Variants in ANTXR2 observed in about 807,000 individuals in gnomAD.
The protein encoded by ANTXR2 is ANTXR cell adhesion molecule 2.
ANTXR2 carries 44 observed loss-of-function variants against 73.7 expected under a neutral mutation model. The observed-to-expected ratio is 0.60, with a 90% confidence interval of 0.47 to 0.77. The LOEUF (loss-of-function observed/expected upper bound fraction) is 0.77. Ranked by LOEUF, ANTXR2 falls within the 30% of genes least tolerant of loss-of-function variation. The pLI is 0.00. For missense variants in ANTXR2, 604 were observed against 592.5 expected, an observed-to-expected ratio of 1.02 and a Z score of -0.20; for synonymous variants, 217 against 205.9, an observed-to-expected ratio of 1.05 and a Z score of -0.46.
chr4:80,059,446 A>AC (rs960577748), intron 3 of ANTXR2, among the ~76,000 whole-genome samples: 1 of 151,816 alleles, frequency 6.6e-6, no homozygotes, highest in African/African-American at 2.4e-5. Flanking sequence ...GCAACTTCAA[A>AC]CCCCTGGACT....
At chr4:79,959,158 A>G (rs1729050594) in intron 16 of ANTXR2, among the ~76,000 whole-genome samples, 1 of 152,106 alleles carries the variant, frequency 6.6e-6, no homozygotes, top group African/African-American at 2.4e-5. Flanking sequence ...TGTTTTTATA[A>G]TTCAGAAAAT....
chr4:80,048,514 T>C (rs1265812219), intron 7 of ANTXR2, among the ~76,000 whole-genome samples: 1 of 151,714 alleles, frequency 6.6e-6, no homozygotes, highest in Non-Finnish European at 1.5e-5. Context: ...CTCCTATGAA[T>C]GTATCTTTAC....
intron 16 of ANTXR2, among the ~76,000 whole-genome samples, chr4:79,953,089 T>C (rs1728765527): frequency 6.6e-6 from 1 of 152,078 alleles, no homozygotes; most frequent in Non-Finnish European, 1.5e-5. Context: ...GACCTAGTGT[T>C]GAAGGCAGGC....
At position 80,072,718 on chromosome 4, in the gene ANTXR2, G is replaced by T; in HGVS notation, c.-158C>A. On this transcript the variant is annotated 5_prime_UTR_variant, in exon 1 of 17. The change creates a new upstream start codon in the 5' untranslated region. Coordinates refer to ENST00000403729, the MANE Select transcript of ANTXR2 (RefSeq NM_058172.6). ...CGGCAGCGGGACCCACCAGCTGACA[G>T]GGAGGGAGAGAGGGAGGTCCTGAGA... is the stretch of plus-strand genomic sequence containing the variant. The T allele has an allele frequency of 2.2e-6, 3 of 1,348,562 alleles. No individual in the cohort carries two copies. The highest frequency in any genetic ancestry group is 2.8e-6 in the Non-Finnish European group (3 of 1,055,548). 83.5% of individuals were successfully genotyped at this position (1,348,562 alleles called of 1,614,324 possible).
chr4:79,912,541 T>C (rs1330951160), intron 16 of ANTXR2, among the ~76,000 whole-genome samples: 1 of 152,086 alleles, frequency 6.6e-6, no homozygotes, highest in African/African-American at 2.4e-5. Flanking sequence ...AGTTAGTGAA[T>C]TTCTGTGGCA....
intron 9 of ANTXR2, among the ~76,000 whole-genome samples, chr4:80,032,180 A>G (rs539481448): frequency 3.6e-4 from 55 of 151,942 alleles, no homozygotes; most frequent in African/African-American, 1.3e-3. Context: ...TAAAATATGA[A>G]AAAAATGATT....
chr4:80,044,441 A>AT (rs2110096260), intron 7 of ANTXR2, among the ~76,000 whole-genome samples: 1 of 152,080 alleles, frequency 6.6e-6, no homozygotes, highest in African/African-American at 2.4e-5. Flanking sequence ...TTCTTCTGGT[A>AT]TTTAAAGTAA....
chr4:79,911,617 AAG>A (rs1727141061), intron 16 of ANTXR2, among the ~76,000 whole-genome samples: 1 of 151,966 alleles, frequency 6.6e-6, no homozygotes, highest in African/African-American at 2.4e-5. Context: ...TTCCATGAGC[AAG>A]AGTTAAAATG....
intron 12 of ANTXR2, among the ~76,000 whole-genome samples, chr4:79,987,675 C>T (rs1730247052): frequency 6.6e-6 from 1 of 152,068 alleles, no homozygotes; most frequent in Non-Finnish European, 1.5e-5. Context: ...ATCAGATTCT[C>T]CAAAGTCAAC....
At chr4:79,954,167 T>C (rs1049900922) in intron 16 of ANTXR2, among the ~76,000 whole-genome samples, 2 of 152,062 alleles carry the variant, frequency 1.3e-5, no homozygotes, top group Admixed American at 6.6e-5. Context: ...GATCTCTATA[T>C]AGTTGTTGTT....
rs181074751 is a variant in ANTXR2 at position 79,974,770 on chromosome 4, T to C, written c.1428+2851A>G. On this transcript the variant is annotated intron_variant, in intron 16 of 16. Coordinates refer to ENST00000403729, the MANE Select transcript of ANTXR2 (RefSeq NM_058172.6). ...TATCTTAGACAAAAGTGTGAGCATATTGATTAAAAAAAAAAAGAAAAAGGA... is the reference window on the plus strand; with the variant it reads ...TATCTTAGACAAAAGTGTGAGCATACTGATTAAAAAAAAAAAGAAAAAGGA... Among the ~76,000 whole-genome samples, 691 of 150,746 alleles carry C rather than the reference T, an allele frequency of 4.6e-3. 10 individuals carry two copies. The highest frequency in any genetic ancestry group is 0.016 in the African/African-American group (655 of 41,138).
At chr4:79,978,794 A>AT (rs1729758500) in intron 14 of ANTXR2, among the ~76,000 whole-genome samples, 1 of 152,242 alleles carries the variant, frequency 6.6e-6, no homozygotes, top group African/African-American at 2.4e-5. Context: ...AATTTTACAA[A>AT]TGTATTTTAT....
chr4:80,061,895 A>G (rs1301638162), intron 3 of ANTXR2, among the ~76,000 whole-genome samples: 1 of 152,180 alleles, frequency 6.6e-6, no homozygotes, highest in Non-Finnish European at 1.5e-5. Flanking sequence ...CTGTGTTACT[A>G]TATACTACTG....
intron 11 of ANTXR2, among the ~76,000 whole-genome samples, chr4:80,012,100 T>C (rs902659817): frequency 1.3e-5 from 2 of 152,148 alleles, no homozygotes; most frequent in Non-Finnish European, 2.9e-5. Context: ...GCAATCTATC[T>C]AGAAAATAGT....
chr4:79,974,038 G>C (rs1729533165), intron 16 of ANTXR2, among the ~76,000 whole-genome samples: 1 of 152,130 alleles, frequency 6.6e-6, no homozygotes, highest in African/African-American at 2.4e-5. Flanking sequence ...CTTAAATTCA[G>C]CAAGGAATTT....
chr4:79,993,368 A>C (rs768053671), intron 12 of ANTXR2, among the ~76,000 whole-genome samples: 7 of 151,712 alleles, frequency 4.6e-5, no homozygotes, highest in Non-Finnish European at 8.8e-5. Context: ...ATAAAGAAGG[A>C]GGAAGGGAAG....
chr4:79,926,937 A>C (rs199832231), intron 16 of ANTXR2, among the ~76,000 whole-genome samples: 4 of 55,146 alleles, frequency 7.3e-5, no homozygotes, highest in East Asian at 0.02. Flanking sequence ...ACACATGTGC[A>C]TATATGTGTA....
chr4:79,955,314 C>A (rs967213001), intron 16 of ANTXR2, among the ~76,000 whole-genome samples: 5 of 152,036 alleles, frequency 3.3e-5, no homozygotes, highest in Non-Finnish European at 7.4e-5. Context: ...GCAAGATATC[C>A]ATTATGGATC....
Position 80,072,728 on chromosome 4 carries a change from G to C in ANTXR2, c.-168C>G. ...ACCCACCAGCTGACAGGGAGGGAGAGAGGGAGGTCCTGAGAGGACAAAGGG... is the reference window on the plus strand; with the variant it reads ...ACCCACCAGCTGACAGGGAGGGAGACAGGGAGGTCCTGAGAGGACAAAGGG... On this transcript the variant is annotated 5_prime_UTR_variant, in exon 1 of 17. Transcript: ENST00000403729. 1 of 1,346,738 alleles carries C rather than the reference G, an allele frequency of 7.4e-7. No individual in the cohort carries two copies. Among genetic ancestry groups the C allele is most frequent in the East Asian group, 3.1e-5 (1 of 32,366 alleles). The allele number at this position is 1,346,738 out of a possible 1,614,324, so 83.4% of individuals were successfully genotyped here. A position where few individuals can be genotyped will look rare whatever the true frequency, so the allele number is the denominator to read the frequency against.
Sources: gnomAD v4.1 joint callset for allele counts (sites outside exome capture counted in the v4.1 genomes callset) on GRCh38, gnomAD v4.1.1 for gene constraint, MANE v1.5 for transcripts, NCBI Gene and HGNC (gene_info 2026-07-23, HGNC 2026-07-21) for gene names.